The following TOX variants were observed in gnomAD, a reference collection of about 807,000 sequenced individuals.
TOX encodes the protein thymocyte selection associated high mobility group box.
In TOX, 11 loss-of-function variants were observed where a neutral mutation model predicts 53.7. The observed-to-expected ratio is 0.20, with a 90% confidence interval of 0.13 to 0.34. The LOEUF (loss-of-function observed/expected upper bound fraction) is 0.34. Ranked by LOEUF, TOX falls within the 10% of genes least tolerant of loss-of-function variation. The pLI is 1.00. For missense variants in TOX, 570 were observed against 664.6 expected (o/e 0.86, Z 1.56); for synonymous variants, 225 against 245.3 (o/e 0.92, Z 0.77).
At chr8:59,030,847 C>T (rs1364436911) in intron 1 of TOX, among the ~76,000 whole-genome samples, 1 of 152,142 alleles carries the variant, frequency 6.6e-6, no homozygotes, top group East Asian at 1.9e-4. Flanking sequence ...ATCAGAATTT[C>T]CTCTCATTTT....
At chr8:58,976,615 C>T (rs747174658) in intron 1 of TOX, among the ~76,000 whole-genome samples, 2 of 152,172 alleles carry the variant, frequency 1.3e-5, no homozygotes, top group African/African-American at 2.4e-5. Flanking sequence ...TTTTACTTTA[C>T]CTTTCCCAGG....
Position 58,998,536 on chromosome 8 carries a change from T to TATAATAAATTTATATGTA in TOX, c.103-38529_103-38528insTACATATAAATTTATTAT, listed in dbSNP as rs1554537361. Among the ~76,000 whole-genome samples, 24 of 37,744 alleles carry TATAATAAATTTATATGTA rather than the reference T, an allele frequency of 6.4e-4. 1 individual carries two copies. The highest frequency in any genetic ancestry group is 2.8e-3 in the African/African-American group (21 of 7,540). 24.8% of individuals were successfully genotyped at this position (37,744 alleles called of 152,430 possible). On this transcript the variant is annotated intron_variant, in intron 1 of 8. Coordinates refer to ENST00000361421, the MANE Select transcript of TOX (RefSeq NM_014729.3). ...ATATATATATATATATATATATATA[T>TATAATAAATTTATATGTA]ATAAATTTATATATAATAAATTTAT...
At chr8:58,959,505 T>C (rs543093214) in intron 2 of TOX, among the ~76,000 whole-genome samples, 8 of 152,306 alleles carry the variant, frequency 5.3e-5, no homozygotes, top group Non-Finnish European at 7.4e-5. Context: ...AGCAGCCTTC[T>C]AGCCCCACCG....
chr8:59,057,456 A>G (rs1803905668), intron 1 of TOX, among the ~76,000 whole-genome samples: 1 of 152,186 alleles, frequency 6.6e-6, no homozygotes, highest in South Asian at 2.1e-4. Flanking sequence ...TGTTCAAGAC[A>G]CTGGAAACAA....
chr8:58,826,504 G>A (rs1810370069), intron 6 of TOX, among the ~76,000 whole-genome samples: 2 of 152,110 alleles, frequency 1.3e-5, no homozygotes, highest in Admixed American at 1.3e-4. Flanking sequence ...ATGGCATGGG[G>A]GCCTGGAGGC....
intron 3 of TOX, among the ~76,000 whole-genome samples, chr8:58,881,869 T>C (rs977570571): frequency 3.3e-5 from 5 of 151,976 alleles, no homozygotes; most frequent in African/African-American, 9.7e-5. Flanking sequence ...CATCTCAAAC[T>C]ACCCTGTAAG....
At chr8:59,112,961 C>T (rs449224) in intron 1 of TOX, among the ~76,000 whole-genome samples, 20,358 of 152,146 alleles carry the variant, frequency 0.13, 1,629 homozygotes, top group African/African-American at 0.22. Context: ...TGTAAGATAA[C>T]TATCCTACCT....
intron 1 of TOX, among the ~76,000 whole-genome samples, chr8:59,019,962 T>C (rs529420612): frequency 4.5e-4 from 69 of 152,206 alleles, no homozygotes; most frequent in Non-Finnish European, 8.1e-4. Flanking sequence ...AGATTAAATA[T>C]GAAATACTAT....
chr8:59,011,036 A>G lies in TOX; in HGVS notation c.103-51028T>C, dbSNP rs138557936. On this transcript the variant is annotated intron_variant, in intron 1 of 8. Transcript: ENST00000361421. Reference sequence around the variant, plus strand: ...TCTGGGAAAAGAAGTTTGCCTGGATAAAGAAAGAACTCATGGAAAAACCAT... The same window carrying G: ...TCTGGGAAAAGAAGTTTGCCTGGATGAAGAAAGAACTCATGGAAAAACCAT... Among the ~76,000 whole-genome samples, 134 of 152,372 alleles carry G rather than the reference A, an allele frequency of 8.8e-4. 6 individuals are homozygous for G. The East Asian group carries it at 0.025, about 28-fold the overall frequency.
intron 1 of TOX, among the ~76,000 whole-genome samples, chr8:59,090,527 A>G (rs1474423716): frequency 6.6e-6 from 1 of 152,160 alleles, no homozygotes; most frequent in Admixed American, 6.5e-5. Context: ...TTATAGCAAA[A>G]TCATCCCCCA....
At chr8:58,947,402 T>C (rs959078297) in intron 2 of TOX, among the ~76,000 whole-genome samples, 6 of 152,170 alleles carry the variant, frequency 3.9e-5, no homozygotes, top group African/African-American at 1.4e-4. Flanking sequence ...GGTCCTTTAT[T>C]CAAATGTTTT....
intron 2 of TOX, among the ~76,000 whole-genome samples, chr8:58,952,971 C>G (rs16924324): frequency 0.014 from 2,072 of 152,200 alleles, 60 homozygotes; most frequent in African/African-American, 0.048. Context: ...CCTAAAATAG[C>G]TCATCCGCTG....
At chr8:59,096,721 A>G (rs1300274913) in intron 1 of TOX, among the ~76,000 whole-genome samples, 1 of 152,172 alleles carries the variant, frequency 6.6e-6, no homozygotes, top group Non-Finnish European at 1.5e-5. Flanking sequence ...TGATTCCTCC[A>G]GATTTGTGAA....
chr8:58,961,684 T>C (rs1965199), intron 1 of TOX, among the ~76,000 whole-genome samples: 144,282 of 152,194 alleles, frequency 0.95, 68,458 homozygotes, highest in East Asian at 1. Flanking sequence ...CCCACCACCA[T>C]GCCCAGCTAA....
intron 1 of TOX, among the ~76,000 whole-genome samples, chr8:59,037,138 C>T (rs535954943): frequency 1.3e-5 from 2 of 149,962 alleles, no homozygotes; most frequent in Admixed American, 1.3e-4. Flanking sequence ...TAAAACCCAA[C>T]TATCAGAAGC....
At chr8:58,826,453 G>A (rs1160690658) in intron 6 of TOX, among the ~76,000 whole-genome samples, 1 of 152,194 alleles carries the variant, frequency 6.6e-6, no homozygotes, top group Admixed American at 6.5e-5. Context: ...CTGCTGTAAT[G>A]AGTCTAGAAC....
At chr8:59,032,963 A>T (rs1050201643) in intron 1 of TOX, among the ~76,000 whole-genome samples, 9 of 151,682 alleles carry the variant, frequency 5.9e-5, no homozygotes, top group Admixed American at 6.6e-5. Context: ...CCTGGGAGGC[A>T]GAGATTGTTG....
At chr8:58,967,927 T>A (rs529337117) in intron 1 of TOX, among the ~76,000 whole-genome samples, 1 of 152,318 alleles carries the variant, frequency 6.6e-6, no homozygotes, top group East Asian at 1.9e-4. Context: ...CACTCTTAAC[T>A]GCAATGCTAT....
intron 1 of TOX, among the ~76,000 whole-genome samples, chr8:59,059,612 T>A (rs1803943203): frequency 6.6e-6 from 1 of 152,178 alleles, no homozygotes; most frequent in Admixed American, 6.5e-5. Flanking sequence ...AAGAATCCCA[T>A]ATCAGGAGGC....
Sources: gnomAD v4.1 joint callset for allele counts (sites outside exome capture counted in the v4.1 genomes callset) on GRCh38, gnomAD v4.1.1 for gene constraint, MANE v1.5 for transcripts, NCBI Gene and HGNC (gene_info 2026-07-23, HGNC 2026-07-21) for gene names.